The following PICALM variants were observed in gnomAD, a reference collection of about 807,000 sequenced individuals.
The protein encoded by PICALM is phosphatidylinositol-binding clathrin assembly protein.
PICALM carries 40 observed loss-of-function variants against 80.5 expected under a neutral mutation model. That is an observed-to-expected ratio of 0.50 (90% CI 0.39 to 0.65). PICALM has a LOEUF of 0.65. PICALM is among the 30% of genes least tolerant of loss of function. PICALM has a pLI of 0.00. For synonymous variants in PICALM, 288 were observed against 260.3 expected, an observed-to-expected ratio of 1.11 and a Z score of -1.02; for missense variants, 676 against 778.9, an observed-to-expected ratio of 0.87 and a Z score of 1.57.
At chr11:85,988,158 T>C (rs1244112089) in intron 13 of PICALM, among the ~76,000 whole-genome samples, 2 of 152,354 alleles carry the variant, frequency 1.3e-5, no homozygotes, top group East Asian at 1.9e-4. Context: ...TGAGGTTTTA[T>C]TGCTACCACA....
intron 1 of PICALM, among the ~76,000 whole-genome samples, chr11:86,043,213 T>C (rs1184022132): frequency 2.6e-5 from 4 of 152,238 alleles, no homozygotes; most frequent in Non-Finnish European, 5.9e-5. Flanking sequence ...ATTTGCATTT[T>C]CCTTTTATGA....
intron 13 of PICALM, among the ~76,000 whole-genome samples, chr11:85,989,750 T>C (rs927532162): frequency 6.6e-6 from 1 of 152,058 alleles, no homozygotes; most frequent in Non-Finnish European, 1.5e-5. Context: ...CAGAATGGGA[T>C]AAAAGATATG....
chr11:86,033,481 G>A (rs1325377406), intron 1 of PICALM, among the ~76,000 whole-genome samples: 1 of 152,044 alleles, frequency 6.6e-6, no homozygotes, highest in Non-Finnish European at 1.5e-5. Context: ...TCTTCTGCTA[G>A]ATACCTATGC....
intron 1 of PICALM, among the ~76,000 whole-genome samples, chr11:86,042,312 C>T (rs963731389): frequency 6.6e-6 from 1 of 151,934 alleles, no homozygotes; most frequent in African/African-American, 2.4e-5. Flanking sequence ...TTTATTACTT[C>T]TATGTCAATT....
In PICALM at chr11:85,999,854, A is replaced by G. The variant is rs530877523; in HGVS notation, c.1154+789T>C. On this transcript the variant is annotated intron_variant, in intron 11 of 19. Coordinates refer to ENST00000393346, the MANE Select transcript of PICALM (RefSeq NM_007166.4). ...CCTAGTCACCTGGGAGCATCTTAAA[A>G]ACAAAAATTCTTGGGCCCCAGGCCC... is the stretch of plus-strand genomic sequence containing the variant. Among the ~76,000 whole-genome samples, 3 of 152,358 alleles carry G rather than the reference A, an allele frequency of 2.0e-5. No homozygotes were observed. In the South Asian group the frequency reaches 6.2e-4, roughly 32 times the overall value.
At chr11:85,989,018 T>G (rs2094677934) in intron 13 of PICALM, among the ~76,000 whole-genome samples, 1 of 152,184 alleles carries the variant, frequency 6.6e-6, no homozygotes, top group Non-Finnish European at 1.5e-5. Context: ...CGACTCTCCT[T>G]TATGTACAAT....
intron 7 of PICALM, among the ~76,000 whole-genome samples, chr11:86,008,195 G>A (rs1205610299): frequency 6.6e-6 from 1 of 152,132 alleles, no homozygotes; most frequent in Non-Finnish European, 1.5e-5. Context: ...AAAAAAGATA[G>A]AAACGGTTCC....
At chr11:85,967,526 CA>C (rs1170994578) in intron 19 of PICALM, among the ~76,000 whole-genome samples, 3 of 152,188 alleles carry the variant, frequency 2.0e-5, no homozygotes, top group Admixed American at 1.3e-4. Context: ...AGCTAGTTTT[CA>C]CCTATGGTAC....
intron 4 of PICALM, 77 bp downstream of exon 4, chr11:86,022,290 T>C: frequency 2.5e-6 from 2 of 791,796 alleles, no homozygotes; most frequent in Admixed American, 2.7e-5. Flanking sequence ...AATTTCATAA[T>C]TCATAATCTA....
At chr11:85,962,587 T>C (rs1237879462) in intron 19 of PICALM, among the ~76,000 whole-genome samples, 5 of 152,218 alleles carry the variant, frequency 3.3e-5, no homozygotes, top group Non-Finnish European at 5.9e-5. Flanking sequence ...TAGAGGCTTA[T>C]AAACAATGTT....
At chr11:86,065,213 C>T (rs1040136256) in intron 1 of PICALM, among the ~76,000 whole-genome samples, 2 of 152,098 alleles carry the variant, frequency 1.3e-5, no homozygotes, top group Non-Finnish European at 2.9e-5. Flanking sequence ...TTTGGGAGGC[C>T]GAGGCGGGCG....
chr11:86,000,981 AC>A, intron 10 of PICALM, 53 bp downstream of exon 10: 1 of 1,598,834 alleles, frequency 6.3e-7, no homozygotes, highest in Non-Finnish European at 8.5e-7. Context: ...GGCCCCATTT[AC>A]CTAATGAACA....
chr11:86,047,968 G>C (rs1325498359), intron 1 of PICALM, among the ~76,000 whole-genome samples: 1 of 152,102 alleles, frequency 6.6e-6, no homozygotes, highest in Non-Finnish European at 1.5e-5. Context: ...GGGCATGGTG[G>C]CGGGCACCTG....
chr11:86,051,965 G>A (rs923640923), intron 1 of PICALM, among the ~76,000 whole-genome samples: 8 of 152,184 alleles, frequency 5.3e-5, no homozygotes, highest in African/African-American at 1.9e-4. Context: ...TGTTAACAAT[G>A]CATGTCAATT....
At chr11:86,001,670 G>C (rs985444071) in intron 9 of PICALM, among the ~76,000 whole-genome samples, 6 of 152,184 alleles carry the variant, frequency 3.9e-5, no homozygotes, top group African/African-American at 1.4e-4. Flanking sequence ...TCCTTCAAAA[G>C]AAGACTGGTT....
At position 86,035,172 on chromosome 11, in the gene PICALM, C is replaced by T. The variant is rs552401403; in HGVS notation, c.131-3561G>A. Among the ~76,000 whole-genome samples the T allele has an allele frequency of 1.5e-3, 220 of 151,618 alleles. 1 individual carries two copies. Among genetic ancestry groups the T allele is most frequent in the African/African-American group, 4.7e-3 (195 of 41,294 alleles). Reference sequence around the variant, plus strand: ...CAAAAAATTTAGAACTAAGCAGTTACCAAATGGTTTCATTAATCTTACAGT... The same window carrying T: ...CAAAAAATTTAGAACTAAGCAGTTATCAAATGGTTTCATTAATCTTACAGT... On this transcript the variant is annotated intron_variant, in intron 1 of 19. Coordinates refer to ENST00000393346, the MANE Select transcript of PICALM (RefSeq NM_007166.4).
At chr11:85,965,408 A>C (rs2093842280) in intron 19 of PICALM, among the ~76,000 whole-genome samples, 1 of 152,226 alleles carries the variant, frequency 6.6e-6, no homozygotes, top group Admixed American at 6.5e-5. Flanking sequence ...TGTGTAATCA[A>C]AACATTTAGA....
chr11:86,057,007 G>A (rs770997420), intron 1 of PICALM, among the ~76,000 whole-genome samples: 8 of 152,250 alleles, frequency 5.3e-5, no homozygotes, highest in South Asian at 4.1e-4. Flanking sequence ...CAGGGGGGCC[G>A]AGGAGAGCTT....
At position 85,957,308 on chromosome 11, in the gene PICALM, T is replaced by G. The variant is rs944197889; in HGVS notation, c.*1738A>C. Among the ~76,000 whole-genome samples the G allele has an allele frequency of 6.6e-6, 1 of 152,230 alleles. No homozygotes were observed. The highest frequency in any genetic ancestry group is 1.5e-5 in the Non-Finnish European group (1 of 68,036). On this transcript the variant is annotated 3_prime_UTR_variant, in exon 20 of 20. Coordinates refer to ENST00000393346, the MANE Select transcript of PICALM (RefSeq NM_007166.4). Reference sequence around the variant, plus strand: ...ATGCAAAGCTTTTGATCCTTTATCATGTACTCTGAACCCTATGCACTACTA... The same window carrying G: ...ATGCAAAGCTTTTGATCCTTTATCAGGTACTCTGAACCCTATGCACTACTA...
Sources: allele counts gnomAD v4.1 joint callset (sites outside exome capture counted in the v4.1 genomes callset), GRCh38; gene constraint gnomAD v4.1.1; transcripts MANE v1.5; gene names NCBI Gene and HGNC (gene_info 2026-07-23, HGNC 2026-07-21).